DNAJC1: variants seen among roughly 807,000 people sequenced by gnomAD.
DNAJC1 encodes the protein DnaJ heat shock protein family (Hsp40) member C1.
In DNAJC1, 58 loss-of-function variants were observed where a neutral mutation model predicts 76.6. That is an observed-to-expected ratio of 0.76 (90% CI 0.61 to 0.94). The LOEUF is 0.94. Ranked by LOEUF, DNAJC1 falls within the 40% of genes least tolerant of loss-of-function variation. The probability of loss-of-function intolerance (pLI) is 0.00; values close to 1 mark genes in which losing one functional copy is unlikely to be tolerated. For missense variants in DNAJC1, 689 were observed against 677.3 expected, an observed-to-expected ratio of 1.02 and a Z score of -0.19; for synonymous variants, 258 against 267.9, an observed-to-expected ratio of 0.96 and a Z score of 0.36.
rs148336959 is a variant in DNAJC1 at position 21,759,590 on chromosome 10, C to T, written c.1176G>A (p.Ser392=). 2.0e-5 allele frequency: 33 copies of T among 1,613,880 alleles called. No individual in the cohort carries two copies. The highest frequency in any genetic ancestry group is 4.0e-5 in the African/African-American group (3 of 74,908). The part of the protein sequence containing the change: ...PGMVRLSELK[S]TVQNSRPIKT... ...TGATGGGCCTGGAATTCTGAACTGT[C>T]GATTTGAGTTCGGAGAGTCTAACCA... The change falls in exon 11 of 12, where the codon TCG becomes TCA. Residue 392 remains serine (S), a synonymous_variant. Coordinates refer to ENST00000376980, the MANE Select transcript of DNAJC1 (RefSeq NM_022365.4).
intron 6 of DNAJC1, among the ~76,000 whole-genome samples, chr10:21,911,042 AGGAAGGAAGGAAG>A (rs1260282711): frequency 4.5e-4 from 4 of 8,868 alleles, no homozygotes; most frequent in African/African-American, 2.5e-3. Context: ...AGAGAGAGAA[AGGAAGGAAGGAAG>A]GAAGGAAGGA....
intron 8 of DNAJC1, among the ~76,000 whole-genome samples, chr10:21,858,059 A>T (rs1835866296): frequency 6.6e-6 from 1 of 152,228 alleles, no homozygotes; most frequent in African/African-American, 2.4e-5. Flanking sequence ...ATTTGAGATT[A>T]TCCTAAATTA....
At chr10:22,001,025 A>T (rs931132044) in intron 1 of DNAJC1, among the ~76,000 whole-genome samples, 4 of 152,146 alleles carry the variant, frequency 2.6e-5, no homozygotes, top group Non-Finnish European at 4.4e-5. Flanking sequence ...ACCATATAAC[A>T]TTTATATTTA....
intron 8 of DNAJC1, among the ~76,000 whole-genome samples, chr10:21,868,076 C>CAAAAAAAAA (rs775127374): frequency 9.5e-4 from 20 of 21,044 alleles, no homozygotes; most frequent in Middle Eastern, 0.022. Flanking sequence ...ATTCTGTCTC[C>CAAAAAAAAA]AAAAAAAAAA....
At chr10:21,928,968 GT>G in intron 2 of DNAJC1, 71 bp downstream of exon 2, 1 of 905,570 alleles carries the variant, frequency 1.1e-6, no homozygotes, top group Non-Finnish European at 1.6e-6. Flanking sequence ...CCATATATAA[GT>G]GAATATTTCT....
At chr10:21,873,825 A>G (rs994241193) in intron 8 of DNAJC1, among the ~76,000 whole-genome samples, 5 of 152,242 alleles carry the variant, frequency 3.3e-5, no homozygotes, top group African/African-American at 7.2e-5. Context: ...AGAACATAAT[A>G]TCTAAAGATT....
At chr10:21,757,109 A>G (rs1010376898) in intron 11 of DNAJC1, among the ~76,000 whole-genome samples, 2 of 152,190 alleles carry the variant, frequency 1.3e-5, no homozygotes, top group African/African-American at 4.8e-5. Flanking sequence ...AAGAAATCAA[A>G]AACCCTGGGG....
At chr10:21,904,637 A>G (rs1306918414) in intron 6 of DNAJC1, 25 bp from the exon 7 acceptor site, 1 of 1,426,822 alleles carries the variant, frequency 7.0e-7, no homozygotes, top group Non-Finnish European at 9.7e-7. Context: ...TTATACATAA[A>G]TTAACATAAA....
At chr10:21,786,167 G>T (rs369660987) in intron 9 of DNAJC1, among the ~76,000 whole-genome samples, 2 of 151,928 alleles carry the variant, frequency 1.3e-5, no homozygotes, top group African/African-American at 4.8e-5. Context: ...GATGTTCACG[G>T]ACTATAGAGT....
At chr10:21,978,143 A>G (rs1838095167) in intron 1 of DNAJC1, among the ~76,000 whole-genome samples, 1 of 152,108 alleles carries the variant, frequency 6.6e-6, no homozygotes, top group Non-Finnish European at 1.5e-5. Context: ...CCAAATATAT[A>G]TAGATTTTTC....
At chr10:21,813,841 G>T (rs1293419136) in intron 8 of DNAJC1, among the ~76,000 whole-genome samples, 1 of 152,128 alleles carries the variant, frequency 6.6e-6, no homozygotes, top group Non-Finnish European at 1.5e-5. Flanking sequence ...GGAGTCAGTT[G>T]GCCCTCTTAC....
chr10:21,803,989 G>A (rs1395104525), intron 9 of DNAJC1: 124 of 984,746 alleles, frequency 1.3e-4, no homozygotes, highest in Non-Finnish European at 1.4e-4. Context: ...GTAAGTCTAG[G>A]GAGGAAAAAA....
At chr10:21,853,549 TA>T (rs1301455533) in intron 8 of DNAJC1, among the ~76,000 whole-genome samples, 2 of 152,046 alleles carry the variant, frequency 1.3e-5, no homozygotes, top group Non-Finnish European at 2.9e-5. Flanking sequence ...TCCTCAATAC[TA>T]ACCATATTGT....
At chr10:21,869,722 C>T (rs536246737) in intron 8 of DNAJC1, among the ~76,000 whole-genome samples, 2 of 152,110 alleles carry the variant, frequency 1.3e-5, no homozygotes, top group African/African-American at 2.4e-5. Flanking sequence ...TAGTTCTATA[C>T]CTCGTTTGGA....
chr10:21,981,659 T>C (rs1838161415), intron 1 of DNAJC1, among the ~76,000 whole-genome samples: 2 of 152,126 alleles, frequency 1.3e-5, no homozygotes, highest in African/African-American at 4.8e-5. Flanking sequence ...AAAGATTACA[T>C]GAGATAATAT....
rs866253318 is a variant in DNAJC1, at chr10:21,837,881, C to T, written c.979-31782G>A. Among the ~76,000 whole-genome samples the T allele has an allele frequency of 1.6e-3, 235 of 147,872 alleles. 1 individual carries two copies. The highest frequency in any genetic ancestry group is 5.3e-3 in the African/African-American group (216 of 40,494). ...CGTCCGGGAGGGAGGTGGGGGGCAG[C>T]CCCCGCCCGGCCAGCCGCCCCGTCC... On this transcript the variant is annotated intron_variant, in intron 8 of 11. Coordinates refer to ENST00000376980, the MANE Select transcript of DNAJC1 (RefSeq NM_022365.4).
At chr10:21,899,117 C>A (rs1275403100) in intron 7 of DNAJC1, among the ~76,000 whole-genome samples, 1 of 152,164 alleles carries the variant, frequency 6.6e-6, no homozygotes, top group Non-Finnish European at 1.5e-5. Context: ...ACTTCTCTCA[C>A]ATATCTATGC....
At chr10:21,808,448 T>C (rs1232792980) in intron 8 of DNAJC1, among the ~76,000 whole-genome samples, 1 of 152,100 alleles carries the variant, frequency 6.6e-6, no homozygotes, top group African/African-American at 2.4e-5. Context: ...GCTATGACAG[T>C]CTTAAGTTTC....
chr10:21,812,217 C>T (rs193182158), intron 8 of DNAJC1, among the ~76,000 whole-genome samples: 1 of 152,174 alleles, frequency 6.6e-6, no homozygotes, highest in Non-Finnish European at 1.5e-5. Context: ...CGCCACCACG[C>T]CCAGCTAATT....
Sources: allele counts gnomAD v4.1 joint callset (sites outside exome capture counted in the v4.1 genomes callset), GRCh38; gene constraint gnomAD v4.1.1; transcripts MANE v1.5; gene names NCBI Gene and HGNC (gene_info 2026-07-23, HGNC 2026-07-21).